Variants in APC observed in about 807,000 individuals in gnomAD.
APC encodes APC regulator of Wnt signaling pathway.
Under a neutral mutation model 247.0 loss-of-function variants are expected in APC, and 72 were observed. The observed-to-expected ratio is 0.29, with a 90% CI of 0.24 to 0.35. The LOEUF is 0.35. APC is among the 10% of genes least tolerant of loss of function. The pLI is 1.00. For synonymous variants in APC, 1,254 were observed against 1,162.5 expected, an observed-to-expected ratio of 1.08 and a Z score of -1.60; for missense variants, 3,400 against 3,360.7, an observed-to-expected ratio of 1.01 and a Z score of -0.29.
rs757020768 is a variant in APC at position 112,838,861 on chromosome 5, C to G, written c.3267C>G (p.Phe1089Leu). The change falls in exon 16 of 16, where the codon TTC becomes TTG. Residue 1089 changes from phenylalanine to leucine, a missense_variant. By Grantham distance (22) the Phe-to-Leu change is conservative. Coordinates refer to ENST00000257430, the MANE Select transcript of APC (RefSeq NM_000038.6). ...GCACTGATGATAAACACCTCAAGTTCCAACCACATTTTGGACAGCAGGAAT... is the reference window on the plus strand; with the variant it reads ...GCACTGATGATAAACACCTCAAGTTGCAACCACATTTTGGACAGCAGGAAT... ...TESTDDKHLK[F>L]QPHFGQQECV... 2 of 1,614,146 alleles carry G rather than the reference C, an allele frequency of 1.2e-6. No homozygotes were observed. The highest frequency in any genetic ancestry group is 8.5e-7 in the Non-Finnish European group (1 of 1,180,034).
chr5:112,768,288 C>G (rs1756594042), intron 4 of APC, among the ~76,000 whole-genome samples: 1 of 151,266 alleles, frequency 6.6e-6, no homozygotes, highest in Admixed American at 6.6e-5. Flanking sequence ...GGTGATTCCC[C>G]CCTGCCTCGG....
intron 8 of APC, among the ~76,000 whole-genome samples, chr5:112,804,018 C>T (rs1761111110): frequency 6.6e-6 from 1 of 152,188 alleles, no homozygotes; most frequent in African/African-American, 2.4e-5. Context: ...TCACCACTCC[C>T]TCAACTTCAA....
intron 2 of APC, 57 bp downstream of exon 2, chr5:112,755,082 T>A: frequency 6.2e-6 from 10 of 1,607,388 alleles, no homozygotes; most frequent in Non-Finnish European, 7.7e-6. Context: ...GTATTCCCTC[T>A]TGTAAACTTG....
chr5:112,731,094 A>AT (rs1232599175), intron 1 of APC, among the ~76,000 whole-genome samples: 11 of 151,658 alleles, frequency 7.3e-5, no homozygotes, highest in Admixed American at 3.3e-4. Context: ...TTACAACGTA[A>AT]TTTTAATCAT....
At chr5:112,721,168 C>G (rs908064287) in intron 1 of APC, among the ~76,000 whole-genome samples, 34 of 152,228 alleles carry the variant, frequency 2.2e-4, no homozygotes, top group African/African-American at 7.5e-4. Context: ...AATCTCAGCA[C>G]TTTGGGAAGC....
chr5:112,804,391 C>CT (rs995443652), intron 8 of APC, among the ~76,000 whole-genome samples: 6 of 151,322 alleles, frequency 4.0e-5, no homozygotes, highest in South Asian at 4.2e-4. Flanking sequence ...GTAATTATAA[C>CT]TTTTTTTTTG....
chr5:112,817,097 T>G (rs1762589705), intron 9 of APC, among the ~76,000 whole-genome samples: 1 of 152,088 alleles, frequency 6.6e-6, no homozygotes, highest in Non-Finnish European at 1.5e-5. Flanking sequence ...CTCGAACTCC[T>G]GATCTCAGGT....
intron 11 of APC, among the ~76,000 whole-genome samples, chr5:112,826,603 A>G (rs1763686616): frequency 3.3e-5 from 1 of 30,708 alleles, no homozygotes; most frequent in Non-Finnish European, 9.3e-5. Flanking sequence ...AAAAAAAAAC[A>G]AAACTTTTTA....
chr5:112,823,114 A>T (rs1763306939), intron 11 of APC, among the ~76,000 whole-genome samples: 2 of 152,244 alleles, frequency 1.3e-5, no homozygotes, highest in Admixed American at 6.5e-5. Context: ...TAAATTTTTT[A>T]AAATGCTAAT....
chr5:112,717,503 C>CTTGAGATA (rs1362172940), intron 1 of APC, among the ~76,000 whole-genome samples: 5 of 152,220 alleles, frequency 3.3e-5, no homozygotes, highest in East Asian at 1.9e-4. Context: ...GTCCTTTAGT[C>CTTGAGATA]TGCTTGAAAA....
intron 1 of APC, among the ~76,000 whole-genome samples, chr5:112,741,034 A>T (rs912212418): frequency 1.3e-5 from 2 of 152,192 alleles, no homozygotes; most frequent in African/African-American, 4.8e-5. Flanking sequence ...TATGCAGCAC[A>T]TAAAATGGGA....
chr5:112,742,962 A>G (rs1753215269), intron 1 of APC, among the ~76,000 whole-genome samples: 2 of 152,214 alleles, frequency 1.3e-5, no homozygotes, highest in Non-Finnish European at 2.9e-5. Flanking sequence ...ACACAAACTT[A>G]GTGGTTTAAG....
Position 112,754,908 on chromosome 5 carries a change from T to C in APC, c.18T>C (p.Tyr6=), listed in dbSNP as rs786202301. The C allele has an allele frequency of 9.9e-6, 16 of 1,613,692 alleles. No homozygotes were observed. The highest frequency in any genetic ancestry group is 1.4e-5 in the Non-Finnish European group (16 of 1,179,772). Residue 6 remains tyrosine (Y), a synonymous_variant, in exon 2 of 16, where the codon TAT becomes TAC. Coordinates refer to ENST00000257430, the MANE Select transcript of APC (RefSeq NM_000038.6). ...AGCCAAGGATGGCTGCAGCTTCATA[T>C]GATCAGTTGTTAAAGCAAGTTGAGG... The part of the protein sequence containing the change: MAAAS[Y]DQLLKQVEAL...
In APC at chr5:112,842,769, C is replaced by A. The variant is rs1554088107; in HGVS notation, c.7175C>A (p.Pro2392Gln). 6.2e-7 allele frequency: 1 copy of A among 1,613,896 alleles called. No homozygotes were observed. The highest frequency in any genetic ancestry group is 8.5e-7 in the Non-Finnish European group (1 of 1,179,820). The change falls in exon 16 of 16, where the codon CCA (proline) becomes CAA (glutamine). Residue 2392 changes from proline to glutamine, a missense_variant. Coordinates refer to ENST00000257430, the MANE Select transcript of APC (RefSeq NM_000038.6). Reference protein sequence around the residue: ...TGLSKNASSIPRSESASKGLN... With the variant: ...TGLSKNASSIQRSESASKGLN... ...TTATCCAAGAATGCCAGTAGTATTCCAAGAAGTGAGTCTGCCTCCAAAGGA... is the reference window on the plus strand; with the variant it reads ...TTATCCAAGAATGCCAGTAGTATTCAAAGAAGTGAGTCTGCCTCCAAAGGA...
chr5:112,834,105 A>ATT (rs145457030), intron 14 of APC, among the ~76,000 whole-genome samples: 5 of 148,158 alleles, frequency 3.4e-5, no homozygotes, highest in East Asian at 4.0e-4. Context: ...TACCCAGCTC[A>ATT]TTTTTTTTTT....
chr5:112,720,859 G>A (rs893054375), intron 1 of APC, among the ~76,000 whole-genome samples: 4 of 152,152 alleles, frequency 2.6e-5, no homozygotes, highest in East Asian at 1.9e-4. Flanking sequence ...GTACAGGCAC[G>A]TAAAAGTGGA....
chr5:112,785,887 G>A (rs918184743), intron 6 of APC, among the ~76,000 whole-genome samples: 25 of 152,102 alleles, frequency 1.6e-4, no homozygotes, highest in Middle Eastern at 3.4e-3. Flanking sequence ...TAAAATACAG[G>A]CAAGAGATCT....
intron 1 of APC, among the ~76,000 whole-genome samples, chr5:112,738,759 GAAAAAAAATT>G (rs1489696248): frequency 6.6e-6 from 1 of 151,988 alleles, no homozygotes; most frequent in Non-Finnish European, 1.5e-5. Flanking sequence ...CTGAACAGCA[GAAAAAAAATT>G]ACTGTTTTTT....
chr5:112,725,791 T>C (rs1751741606), intron 1 of APC, among the ~76,000 whole-genome samples: 1 of 152,058 alleles, frequency 6.6e-6, no homozygotes, highest in South Asian at 2.1e-4. Context: ...ATCAAAAAAA[T>C]TCCTTTACTA....
Sources: gnomAD v4.1 joint callset for allele counts (sites outside exome capture counted in the v4.1 genomes callset) on GRCh38, gnomAD v4.1.1 for gene constraint, MANE v1.5 for transcripts, NCBI Gene and HGNC (gene_info 2026-07-23, HGNC 2026-07-21) for gene names.